TSPEAR: variants seen among roughly 807,000 people sequenced by gnomAD.
TSPEAR encodes thrombospondin type laminin G domain and EAR repeats.
A neutral mutation model predicts 71.6 loss-of-function variants in TSPEAR; 69 were observed. The observed-to-expected ratio is 0.96, with a 90% confidence interval of 0.79 to 1.18. The LOEUF (loss-of-function observed/expected upper bound fraction) is 1.18, where lower values mean the gene tolerates loss of function less well. TSPEAR is among the 50% of genes most tolerant of loss of function. The pLI is 0.00. For missense variants in TSPEAR, 971 were observed against 894.9 expected (o/e 1.09, Z -1.09); for synonymous variants, 402 against 387.2 (o/e 1.04, Z -0.45).
At chr21:44,637,623 C>T (rs1555937155) in intron 1 of TSPEAR, 1 of 1,614,004 alleles carries the variant, frequency 6.2e-7, no homozygotes, top group Non-Finnish European at 8.5e-7. Flanking sequence ...TACACCAGCT[C>T]CTGCACAACC....
intron 1 of TSPEAR, among the ~76,000 whole-genome samples, chr21:44,635,421 G>A (rs1217635745): frequency 6.6e-6 from 1 of 150,444 alleles, no homozygotes; most frequent in Non-Finnish European, 1.5e-5. Flanking sequence ...GAACCCAAAA[G>A]TGCATTAGCA....
At chr21:44,587,412 T>G (rs1040304447) in intron 1 of TSPEAR, among the ~76,000 whole-genome samples, 2 of 152,116 alleles carry the variant, frequency 1.3e-5, no homozygotes, top group South Asian at 4.1e-4. Context: ...TGGAAACACA[T>G]CCCATGTTCA....
chr21:44,570,591 C>T (rs776199017), intron 1 of TSPEAR, among the ~76,000 whole-genome samples: 16 of 152,272 alleles, frequency 1.1e-4, no homozygotes, highest in East Asian at 1.9e-4. Flanking sequence ...GGGAACCGGG[C>T]GCTGCTTTGA....
In TSPEAR at chr21:44,673,629, G is replaced by A. The variant is rs909232913; in HGVS notation, c.82+37804C>T. Reference sequence around the variant, plus strand: ...CAAATGGACCTAATAGGCATTTAAAGAACATTTCATCTAACAGCTGCAGAA... The same window carrying A: ...CAAATGGACCTAATAGGCATTTAAAAAACATTTCATCTAACAGCTGCAGAA... On this transcript the variant is annotated intron_variant, in intron 1 of 11. Coordinates refer to ENST00000323084, the MANE Select transcript of TSPEAR (RefSeq NM_144991.3). Among the ~76,000 whole-genome samples the A allele has an allele frequency of 3.3e-4, 50 of 152,126 alleles. 1 individual carries two copies. Among genetic ancestry groups the A allele is most frequent in the Non-Finnish European group, 6.2e-4 (42 of 68,044 alleles).
intron 2 of TSPEAR, among the ~76,000 whole-genome samples, chr21:44,540,403 G>T (rs2053198631): frequency 6.6e-6 from 1 of 152,166 alleles, no homozygotes; most frequent in African/African-American, 2.4e-5. Context: ...GTCCTGTCTG[G>T]GCTGTAGCCT....
chr21:44,600,445 G>T (rs117993969), intron 1 of TSPEAR, among the ~76,000 whole-genome samples: 2 of 152,138 alleles, frequency 1.3e-5, no homozygotes, highest in African/African-American at 4.8e-5. Flanking sequence ...ACTAATAAGC[G>T]TTCTCTAGGT....
chr21:44,521,800 G>T, intron 9 of TSPEAR, 83 bp downstream of exon 9: 1 of 1,343,150 alleles, frequency 7.4e-7, no homozygotes, highest in Non-Finnish European at 1.0e-6. Context: ...TGGACCCCCA[G>T]CCCACATCAC....
chr21:44,567,748 C>T (rs782515196), intron 2 of TSPEAR, 37 bp downstream of exon 2: 15 of 1,503,048 alleles, frequency 1.0e-5, no homozygotes, highest in Middle Eastern at 1.8e-4. Context: ...GGGAAAATTA[C>T]GCTATTATAA....
intron 1 of TSPEAR, chr21:44,698,139 C>CA: frequency 1.5e-6 from 1 of 668,286 alleles, no homozygotes; most frequent in South Asian, 2.0e-5. Context: ...TGCCTCCACC[C>CA]ACTCCCCCGG....
chr21:44,504,858 G>T lies in TSPEAR; in HGVS notation c.1778C>A (p.Ser593Ter). ...CACCAGGAAATAATCTTCTCCCACCGAGAAAAACTCCCAGTCCAGAGCACT... is the reference window on the plus strand; with the variant it reads ...CACCAGGAAATAATCTTCTCCCACCTAGAAAAACTCCCAGTCCAGAGCACT... ...TCSALDWEFF[S>*]VGEDYFLVVA... Residue 593 changes from serine to a stop codon, truncating the protein, a stop_gained, in exon 11 of 12, where the codon TCG (serine) becomes TAG (stop). Coordinates refer to ENST00000323084, the MANE Select transcript of TSPEAR (RefSeq NM_144991.3). LOFTEE classifies it high-confidence loss of function. 1 of 1,613,688 alleles carries T rather than the reference G, an allele frequency of 6.2e-7. No homozygotes were observed. The highest frequency in any genetic ancestry group is 2.2e-5 in the East Asian group (1 of 44,866).
Position 44,522,064 on chromosome 21 carries a change from G to C in TSPEAR, c.1385C>G (p.Thr462Ser), listed in dbSNP as rs1555914361. The C allele has an allele frequency of 6.2e-7, 1 of 1,614,152 alleles. No individual in the cohort carries two copies. The highest frequency in any genetic ancestry group is 1.7e-5 in the Admixed American group (1 of 60,026). The change falls in exon 9 of 12, where the codon ACC becomes AGC. Residue 462 changes from threonine (T) to serine (S), a missense_variant. Physicochemically the swap from Thr to Ser is moderately conservative, Grantham distance 58 (BLOSUM62 1). Coordinates refer to ENST00000323084, the MANE Select transcript of TSPEAR (RefSeq NM_144991.3). ...DSVIYKWNPA[T>S]RLFEANQTIA... ...GGTCTGGTTGGCCTCGAAGAGCCGG[G>C]TTGCCGGGTTCCACTTGTAGATGAC...
At chr21:44,688,925 A>T (rs956488260) in intron 1 of TSPEAR, among the ~76,000 whole-genome samples, 20 of 152,124 alleles carry the variant, frequency 1.3e-4, no homozygotes, top group Non-Finnish European at 1.0e-4. Context: ...CACCAGGCAC[A>T]GTTCTCTCAT....
At chr21:44,627,314 C>T (rs782691600) in intron 1 of TSPEAR, 14 of 1,612,772 alleles carry the variant, frequency 8.7e-6, no homozygotes, top group Non-Finnish European at 1.1e-5. Context: ...CTGGTCTGCA[C>T]CCCAGTGAGC....
chr21:44,677,350 C>T (rs1275975731), intron 1 of TSPEAR: 21 of 1,380,812 alleles, frequency 1.5e-5, no homozygotes, highest in African/African-American at 2.9e-5. Context: ...TTGTCCATGG[C>T]GGCTTTCAAT....
At chr21:44,704,205 G>C (rs1987794163) in intron 1 of TSPEAR, among the ~76,000 whole-genome samples, 2 of 150,722 alleles carry the variant, frequency 1.3e-5, no homozygotes, top group Non-Finnish European at 3.0e-5. Context: ...CCCTGGGGGT[G>C]GGGAGGTAGC....
chr21:44,592,573 C>T (rs373886024), intron 1 of TSPEAR: 272 of 1,525,544 alleles, frequency 1.8e-4, no homozygotes, highest in Middle Eastern at 3.9e-4. Context: ...TTGTTGTCCC[C>T]GGGCCCACAG....
chr21:44,672,129 G>GGT (rs1986083704), intron 1 of TSPEAR, among the ~76,000 whole-genome samples: 1 of 152,040 alleles, frequency 6.6e-6, no homozygotes, highest in Non-Finnish European at 1.5e-5. Flanking sequence ...GTTGAAGACT[G>GGT]GTCTTTTGAA....
At chr21:44,556,870 T>TC (rs2053539877) in intron 2 of TSPEAR, among the ~76,000 whole-genome samples, 1 of 151,854 alleles carries the variant, frequency 6.6e-6, no homozygotes, top group Non-Finnish European at 1.5e-5. Context: ...AAGACAGGGG[T>TC]CTTTGCCCTT....
chr21:44,596,079 G>A (rs782242331), intron 1 of TSPEAR, among the ~76,000 whole-genome samples: 1 of 152,200 alleles, frequency 6.6e-6, no homozygotes, highest in Admixed American at 6.5e-5. Context: ...TCATGGGAAG[G>A]TTCAATTGGA....
Sources: gnomAD v4.1 joint callset for allele counts (sites outside exome capture counted in the v4.1 genomes callset) on GRCh38, gnomAD v4.1.1 for gene constraint, MANE v1.5 for transcripts, NCBI Gene and HGNC (gene_info 2026-07-23, HGNC 2026-07-21) for gene names.